RAVER2: variants seen among roughly 807,000 people sequenced by gnomAD.
RAVER2 encodes ribonucleoprotein, PTB binding 2.
A neutral mutation model predicts 78.1 loss-of-function variants in RAVER2; 46 were observed. The observed-to-expected ratio is 0.59, with a 90% CI of 0.46 to 0.75. The LOEUF is 0.75. RAVER2 is among the 30% of genes least tolerant of loss of function. The pLI is 0.00. For synonymous variants in RAVER2, 311 were observed against 313.3 expected (o/e 0.99, Z 0.08); for missense variants, 793 against 837.5 (o/e 0.95, Z 0.66).
intron 2 of RAVER2, among the ~76,000 whole-genome samples, chr1:64,774,492 G>A: frequency 6.6e-6 from 1 of 152,154 alleles, no homozygotes. Flanking sequence ...TTGTAGATGT[G>A]TGGTGTTATT....
At chr1:64,787,266 CT>C (rs1205072255) in intron 4 of RAVER2, among the ~76,000 whole-genome samples, 6 of 151,896 alleles carry the variant, frequency 4.0e-5, no homozygotes, top group Non-Finnish European at 7.4e-5. Context: ...AGCTATTTTT[CT>C]TTTGAATGTA....
At chr1:64,768,790 G>A in intron 2 of RAVER2, 68 bp downstream of exon 2, 1 of 1,007,930 alleles carries the variant, frequency 9.9e-7, no homozygotes, top group Non-Finnish European at 1.5e-6. Context: ...GAACAAAAAA[G>A]CTCAGTGTCT....
chr1:64,814,103 G>A (rs910680814), intron 10 of RAVER2, among the ~76,000 whole-genome samples: 1 of 150,778 alleles, frequency 6.6e-6, no homozygotes, highest in South Asian at 2.1e-4. Context: ...TTGTGTGTGT[G>A]TGTGTTTGTG....
intron 4 of RAVER2, among the ~76,000 whole-genome samples, chr1:64,788,402 G>A (rs2100849654): frequency 6.6e-6 from 1 of 152,092 alleles, no homozygotes; most frequent in Admixed American, 6.6e-5. Flanking sequence ...AACCCAGGAG[G>A]CAAAGCTTGC....
chr1:64,758,910 ATATTTACAT>A (rs1651930746), intron 1 of RAVER2, among the ~76,000 whole-genome samples: 1 of 151,854 alleles, frequency 6.6e-6, no homozygotes, highest in East Asian at 1.9e-4. Flanking sequence ...TAAATATTTA[ATATTTACAT>A]ATTAAATATT....
chr1:64,824,807 T>G (rs934887670), intron 11 of RAVER2, among the ~76,000 whole-genome samples: 5 of 151,862 alleles, frequency 3.3e-5, no homozygotes, highest in African/African-American at 1.2e-4. Flanking sequence ...GGTGCACGCT[T>G]GTAATCCCAA....
chr1:64,749,012 T>A (rs938003313), intron 1 of RAVER2, among the ~76,000 whole-genome samples: 11 of 151,788 alleles, frequency 7.2e-5, no homozygotes, highest in South Asian at 2.1e-4. Context: ...TTTTTTTTTT[T>A]AATTTTTTGT....
Position 64,827,646 on chromosome 1 carries a change from A to C in RAVER2, c.1930-3193A>C, listed in dbSNP as rs1045048947. Among the ~76,000 whole-genome samples the C allele has an allele frequency of 7.2e-4, 110 of 152,390 alleles. 1 individual carries two copies. The highest frequency in any genetic ancestry group is 2.5e-3 in the African/African-American group (104 of 41,598). ...TTTGGTATTCAAAGCATAAATGCTC[A>C]TCAAAATTGTTTTCAGATTTTCTAA... On this transcript the variant is annotated intron_variant, in intron 11 of 11. Transcript: ENST00000294428.
chr1:64,771,274 A>G (rs1652310323), intron 2 of RAVER2, among the ~76,000 whole-genome samples: 1 of 152,082 alleles, frequency 6.6e-6, no homozygotes, highest in African/African-American at 2.4e-5. Flanking sequence ...ATTCTTTACC[A>G]AAATAAACAA....
intron 1 of RAVER2, among the ~76,000 whole-genome samples, chr1:64,763,137 G>A (rs1406557809): frequency 6.6e-6 from 1 of 151,912 alleles, no homozygotes. Context: ...GTGAAACTCC[G>A]TCTCTACTAA....
chr1:64,796,289 A>C (rs1260787164), intron 5 of RAVER2, among the ~76,000 whole-genome samples: 1 of 152,014 alleles, frequency 6.6e-6, no homozygotes, highest in Non-Finnish European at 1.5e-5. Flanking sequence ...TGCTGCCCTC[A>C]TGGAATGATT....
intron 1 of RAVER2, among the ~76,000 whole-genome samples, chr1:64,747,390 A>G (rs1651568783): frequency 6.6e-6 from 1 of 152,168 alleles, no homozygotes; most frequent in Non-Finnish European, 1.5e-5. Context: ...AAAACTACAT[A>G]TTTACCCTTA....
intron 11 of RAVER2, among the ~76,000 whole-genome samples, chr1:64,828,724 ATAGTT>A (rs549684842): frequency 4.3e-4 from 65 of 152,120 alleles, no homozygotes; most frequent in African/African-American, 1.3e-3. Context: ...ATTTAAGTGT[ATAGTT>A]TAGTAATGTT....
intron 11 of RAVER2, among the ~76,000 whole-genome samples, chr1:64,824,606 AAAAACTGG>A (rs2100902117): frequency 6.6e-6 from 1 of 152,298 alleles, no homozygotes; most frequent in East Asian, 1.9e-4. Flanking sequence ...GATTTTGGTT[AAAAACTGG>A]AAGTAAGGAA....
chr1:64,771,957 G>A (rs1317699508), intron 2 of RAVER2, among the ~76,000 whole-genome samples: 1 of 152,138 alleles, frequency 6.6e-6, no homozygotes, highest in Non-Finnish European at 1.5e-5. Context: ...AGTAAAATAG[G>A]ATACATTAGG....
intron 11 of RAVER2, among the ~76,000 whole-genome samples, chr1:64,824,350 A>G (rs1653958054): frequency 6.6e-6 from 1 of 152,250 alleles, no homozygotes; most frequent in Non-Finnish European, 1.5e-5. Flanking sequence ...GTCCTTTCAT[A>G]TGGAGCCTAA....
chr1:64,768,573 G>T, intron 1 of RAVER2, 83 bp from the exon 2 acceptor site: 1 of 802,110 alleles, frequency 1.2e-6, no homozygotes, highest in Non-Finnish European at 2.1e-6. Flanking sequence ...GGTAATGGTG[G>T]TGGTGGTGGT....
chr1:64,748,714 C>T (rs1651611648), intron 1 of RAVER2, among the ~76,000 whole-genome samples: 1 of 152,200 alleles, frequency 6.6e-6, no homozygotes, highest in African/African-American at 2.4e-5. Context: ...CTCTGTATTT[C>T]TGTATTACCA....
At chr1:64,805,485 A>G (rs1337063553) in intron 8 of RAVER2, among the ~76,000 whole-genome samples, 2 of 152,164 alleles carry the variant, frequency 1.3e-5, no homozygotes. Context: ...AGTATTTATA[A>G]ATTTAAAGTT....
Sources: allele counts gnomAD v4.1 joint callset (sites outside exome capture counted in the v4.1 genomes callset), GRCh38; gene constraint gnomAD v4.1.1; transcripts MANE v1.5; gene names NCBI Gene and HGNC (gene_info 2026-07-23, HGNC 2026-07-21).